The following TMEM38B variants were observed in gnomAD, a reference collection of about 807,000 sequenced individuals.
TMEM38B encodes the protein transmembrane protein 38B, also known as trimeric intracellular cation channel type B.
Under a neutral mutation model 28.7 loss-of-function variants are expected in TMEM38B, and 24 were observed. The observed-to-expected ratio is 0.84, with a 90% CI of 0.61 to 1.18. The LOEUF is 1.18. TMEM38B is among the 50% of genes most tolerant of loss of function. The pLI is 0.00. For missense variants in TMEM38B, 380 were observed against 350.9 expected, an observed-to-expected ratio of 1.08 and a Z score of -0.66; for synonymous variants, 131 against 127.7, an observed-to-expected ratio of 1.03 and a Z score of -0.17.
At chr9:105,763,729 T>A (rs976501808) in intron 5 of TMEM38B, among the ~76,000 whole-genome samples, 1 of 152,174 alleles carries the variant, frequency 6.6e-6, no homozygotes, top group South Asian at 2.1e-4. Context: ...TTACTCATTT[T>A]ATGAGGCCAG....
intron 1 of TMEM38B, among the ~76,000 whole-genome samples, chr9:105,700,618 G>A (rs1472969364): frequency 6.6e-6 from 1 of 152,086 alleles, no homozygotes; most frequent in African/African-American, 2.4e-5. Context: ...ACTTGACATG[G>A]TTATTTTCTC....
intron 4 of TMEM38B, among the ~76,000 whole-genome samples, chr9:105,745,453 ATTTG>A (rs1230569753): frequency 2.6e-5 from 4 of 152,026 alleles, no homozygotes; most frequent in Non-Finnish European, 5.9e-5. Context: ...TTTCTTGTAA[ATTTG>A]TTTGAGTTCT....
At chr9:105,746,189 G>A (rs943771556) in intron 4 of TMEM38B, among the ~76,000 whole-genome samples, 15 of 151,804 alleles carry the variant, frequency 9.9e-5, no homozygotes, top group African/African-American at 2.9e-4. Flanking sequence ...CCATTTTCAC[G>A]ATATTGATTC....
intron 5 of TMEM38B, chr9:105,758,854 A>AT (rs1476278328): frequency 2.0e-6 from 2 of 977,036 alleles, no homozygotes; most frequent in African/African-American, 3.2e-5. Context: ...AATGCAGTTG[A>AT]TAATAGAAAA....
At chr9:105,728,358 T>C (rs151158065) in intron 4 of TMEM38B, among the ~76,000 whole-genome samples, 14 of 152,072 alleles carry the variant, frequency 9.2e-5, no homozygotes, top group African/African-American at 3.1e-4. Context: ...TTTTCTGTTG[T>C]TGTGATGGTT....
rs558451989 is a variant in TMEM38B, at chr9:105,718,307, C to T, written c.270-3230C>T. Among the ~76,000 whole-genome samples, 15 of 151,360 alleles carry T rather than the reference C, an allele frequency of 9.9e-5. No individual in the cohort carries two copies. The East Asian group carries it at 2.9e-3, about 29-fold the overall frequency. Reference sequence around the variant, plus strand: ...AGGCTGGAGTGCAATGGCACGATCTCAGCTCACTGCAACCTCCGCCTCCTG... The same window carrying T: ...AGGCTGGAGTGCAATGGCACGATCTTAGCTCACTGCAACCTCCGCCTCCTG... On this transcript the variant is annotated intron_variant, in intron 2 of 5. Coordinates refer to ENST00000374692, the MANE Select transcript of TMEM38B (RefSeq NM_018112.3).
chr9:105,733,145 TG>T (rs1339302554), intron 4 of TMEM38B, among the ~76,000 whole-genome samples: 1 of 152,202 alleles, frequency 6.6e-6, no homozygotes, highest in Non-Finnish European at 1.5e-5. Context: ...AGAAGTGTTT[TG>T]CTTCCAGTTA....
At position 105,774,332 on chromosome 9, in the gene TMEM38B, T is replaced by C; in HGVS notation, c.*252T>C. On this transcript the variant is annotated 3_prime_UTR_variant, in exon 6 of 6. Transcript: ENST00000374692. ...TGTTGTGATTATTTGAATAGTTTTA[T>C]ATTAATAAAAGAAGACAAAATTTTT... 3.7e-6 allele frequency: 1 copy of C among 273,300 alleles called. No individual in the cohort carries two copies. 16.9% of individuals were successfully genotyped at this position (273,300 alleles called of 1,614,324 possible).
intron 5 of TMEM38B, among the ~76,000 whole-genome samples, chr9:105,762,010 A>G (rs1838070869): frequency 6.6e-6 from 1 of 152,114 alleles, no homozygotes; most frequent in Non-Finnish European, 1.5e-5. Flanking sequence ...AACTTGAAGC[A>G]AGTCGCCTTC....
At chr9:105,749,255 C>G in intron 5 of TMEM38B, 1 of 351,886 alleles carries the variant, frequency 2.8e-6, no homozygotes, top group East Asian at 1.2e-4. Flanking sequence ...CTAATAAAGA[C>G]ATACCTGATA....
At chr9:105,722,050 A>G (rs1836338083) in intron 3 of TMEM38B, among the ~76,000 whole-genome samples, 1 of 152,202 alleles carries the variant, frequency 6.6e-6, no homozygotes, top group Admixed American at 6.5e-5. Context: ...TGTGGTACAT[A>G]TGAATAAAAA....
chr9:105,775,517 T>A lies in TMEM38B; in HGVS notation c.*1437T>A, dbSNP rs1350006571. The A allele has an allele frequency of 6.6e-6, 1 of 152,076 alleles. No individual in the cohort carries two copies. The highest frequency in any genetic ancestry group is 1.5e-5 in the Non-Finnish European group (1 of 67,980). 9.4% of individuals were successfully genotyped at this position (152,076 alleles called of 1,614,324 possible). A position where few individuals can be genotyped will look rare whatever the true frequency, so the allele number is the denominator to read the frequency against. On this transcript the variant is annotated 3_prime_UTR_variant, in exon 6 of 6. Coordinates refer to ENST00000374692, the MANE Select transcript of TMEM38B (RefSeq NM_018112.3). ...TTTTTTTGTTGTTGTTATTTTAAAT[T>A]TTTAACAAATATAAACACCAGCAGA... is the stretch of plus-strand genomic sequence containing the variant.
chr9:105,714,581 C>A (rs565689578), intron 2 of TMEM38B, among the ~76,000 whole-genome samples: 2 of 152,224 alleles, frequency 1.3e-5, no homozygotes, highest in East Asian at 3.9e-4. Flanking sequence ...TCTAAAGATA[C>A]CAGCTTAAAT....
intron 4 of TMEM38B, among the ~76,000 whole-genome samples, chr9:105,744,680 C>T (rs952162475): frequency 2.6e-5 from 4 of 151,886 alleles, no homozygotes; most frequent in African/African-American, 9.7e-5. Context: ...TGGTGTGCTA[C>T]ACCCATTAAC....
intron 4 of TMEM38B, among the ~76,000 whole-genome samples, chr9:105,735,799 T>C (rs528147397): frequency 6.6e-6 from 1 of 152,286 alleles, no homozygotes; most frequent in African/African-American, 2.4e-5. Flanking sequence ...TGGGGAGTTT[T>C]GAGCTTCCTG....
chr9:105,763,671 A>C (rs904740196), intron 5 of TMEM38B, among the ~76,000 whole-genome samples: 2 of 152,232 alleles, frequency 1.3e-5, no homozygotes, highest in Admixed American at 1.3e-4. Context: ...AACTGGTACC[A>C]TTCCTTCTGA....
intron 4 of TMEM38B, among the ~76,000 whole-genome samples, chr9:105,742,742 A>G (rs1156455238): frequency 6.6e-6 from 1 of 152,214 alleles, no homozygotes; most frequent in Non-Finnish European, 1.5e-5. Context: ...GGTGATGCGC[A>G]TAATGAGCCA....
intron 2 of TMEM38B, among the ~76,000 whole-genome samples, chr9:105,709,330 A>G (rs1357100090): frequency 6.6e-6 from 1 of 152,172 alleles, no homozygotes; most frequent in East Asian, 1.9e-4. Flanking sequence ...ATCATTTTTT[A>G]ATTATTTGTA....
intron 4 of TMEM38B, among the ~76,000 whole-genome samples, chr9:105,727,873 G>A (rs1327059574): frequency 4.6e-5 from 7 of 151,958 alleles, no homozygotes; most frequent in Admixed American, 4.6e-4. Context: ...CACAAGATCT[G>A]GTTGTTTGAA....
Sources: gnomAD v4.1 joint callset for allele counts (sites outside exome capture counted in the v4.1 genomes callset) on GRCh38, gnomAD v4.1.1 for gene constraint, MANE v1.5 for transcripts, NCBI Gene and HGNC (gene_info 2026-07-23, HGNC 2026-07-21) for gene names.